LCOR: variants seen among roughly 807,000 people sequenced by gnomAD.
LCOR encodes the protein ligand dependent nuclear receptor corepressor.
Under a neutral mutation model 64.4 loss-of-function variants are expected in LCOR, and 14 were observed. The observed-to-expected ratio is 0.22, with a 90% CI of 0.14 to 0.34. LCOR has a LOEUF of 0.34. Among genes scored for constraint, LCOR ranks in the 10% least tolerant of loss-of-function variants. The pLI, the probability that LCOR is intolerant of heterozygous loss-of-function variation, is 1.00. For synonymous variants in LCOR, 643 were observed against 642.5 expected, an observed-to-expected ratio of 1.00 and a Z score of -0.01; for missense variants, 1,686 against 1,765.3, an observed-to-expected ratio of 0.96 and a Z score of 0.80.
intron 2 of LCOR, among the ~76,000 whole-genome samples, chr10:96,844,385 G>A (rs368768498): frequency 1.5e-4 from 23 of 151,806 alleles, no homozygotes; most frequent in East Asian, 9.6e-4. Flanking sequence ...TCAGCATTAT[G>A]CATATGCCCT....
rs550764855 is a variant in LCOR at position 96,870,502 on chromosome 10, C to T, written c.-329-36763C>T. Among the ~76,000 whole-genome samples, 7 of 152,310 alleles carry T rather than the reference C, an allele frequency of 4.6e-5. No individual in the cohort carries two copies. In the South Asian group the frequency reaches 1.4e-3, roughly 32 times the overall value. On this transcript the variant is annotated intron_variant, in intron 2 of 7. Coordinates refer to ENST00000421806, the MANE Select transcript of LCOR (RefSeq NM_001346516.2). ...AGATTTCTCATGTGTTGTCAATTTA[C>T]CAGACACAAAGAGTAGCTCAGATCT... is the stretch of plus-strand genomic sequence containing the variant.
chr10:96,910,368 G>A (rs1001824035), intron 4 of LCOR, among the ~76,000 whole-genome samples: 11 of 152,280 alleles, frequency 7.2e-5, no homozygotes, highest in African/African-American at 2.2e-4. Flanking sequence ...ATTTTTCTCC[G>A]TTAGATACTA....
At chr10:96,919,798 T>C (rs549557681) in intron 4 of LCOR, among the ~76,000 whole-genome samples, 202 of 152,340 alleles carry the variant, frequency 1.3e-3, no homozygotes, top group Admixed American at 2.5e-3. Flanking sequence ...AGTGTCCTTA[T>C]GTTTTTCTAT....
At chr10:96,861,570 G>A (rs1589612314) in intron 2 of LCOR, among the ~76,000 whole-genome samples, 1 of 151,802 alleles carries the variant, frequency 6.6e-6, no homozygotes, top group South Asian at 2.1e-4. Context: ...TTGAGACAGG[G>A]TGTCTCACTC....
At chr10:96,920,624 G>A (rs1382932851) in intron 4 of LCOR, among the ~76,000 whole-genome samples, 6 of 142,874 alleles carry the variant, frequency 4.2e-5, no homozygotes. Context: ...GTGTATATAT[G>A]TATGTACATT....
chr10:96,926,908 T>G (rs921893463), intron 4 of LCOR, among the ~76,000 whole-genome samples: 3 of 152,226 alleles, frequency 2.0e-5, no homozygotes, highest in Admixed American at 6.5e-5. Context: ...AGCATGGATA[T>G]GCTACAGTTT....
rs1848147505 is a variant in LCOR at position 96,986,081 on chromosome 10, A to G, written c.*947A>G. 6.0e-6 allele frequency: 1 copy of G among 167,000 alleles called. No individual in the cohort carries two copies. Among genetic ancestry groups the G allele is most frequent in the Non-Finnish European group, 1.5e-5 (1 of 68,106 alleles). The allele number at this position is 167,000 out of a possible 1,614,324, so 10.3% of individuals were successfully genotyped here. A position where few individuals can be genotyped will look rare whatever the true frequency, so the allele number is the denominator to read the frequency against. ...TTCCATATTCAAAGAAAGCCGAACT[A>G]TTATTTCCAGTAATAGAAAGGTTTA... On this transcript the variant is annotated 3_prime_UTR_variant, in exon 8 of 8. Coordinates refer to ENST00000421806, the MANE Select transcript of LCOR (RefSeq NM_001346516.2).
chr10:96,862,592 GC>G (rs1323605583), intron 2 of LCOR, among the ~76,000 whole-genome samples: 1 of 152,078 alleles, frequency 6.6e-6, no homozygotes, highest in East Asian at 1.9e-4. Context: ...TAAACTATTG[GC>G]CATTGGTGAT....
intron 2 of LCOR, among the ~76,000 whole-genome samples, chr10:96,898,137 C>T (rs565270218): frequency 1.3e-5 from 2 of 152,052 alleles, no homozygotes; most frequent in South Asian, 4.2e-4. Context: ...GAAAATCTAG[C>T]GGATTAAATA....
At chr10:96,909,976 G>C (rs1846800757) in intron 4 of LCOR, among the ~76,000 whole-genome samples, 1 of 151,842 alleles carries the variant, frequency 6.6e-6, no homozygotes, top group Non-Finnish European at 1.5e-5. Flanking sequence ...TTTTTTTTCA[G>C]GTTAGGATGA....
intron 7 of LCOR, chr10:96,956,060 G>A (rs1847767942): frequency 6.9e-7 from 1 of 1,453,086 alleles, no homozygotes; most frequent in Non-Finnish European, 9.0e-7. Context: ...TGTGTGTACA[G>A]AGATGAAATG....
At chr10:96,903,292 C>T (rs1388678247) in intron 2 of LCOR, among the ~76,000 whole-genome samples, 2 of 152,122 alleles carry the variant, frequency 1.3e-5, no homozygotes, top group Admixed American at 1.3e-4. Context: ...TAATTGCAGT[C>T]CAACATTACA....
chr10:96,842,632 CTTTT>C (rs976571447), intron 2 of LCOR, among the ~76,000 whole-genome samples: 1 of 134,370 alleles, frequency 7.4e-6, no homozygotes. Context: ...CTTTTCTTTT[CTTTT>C]TTTTTTTTTT....
At chr10:96,921,695 C>T (rs1847084636) in intron 4 of LCOR, among the ~76,000 whole-genome samples, 1 of 152,194 alleles carries the variant, frequency 6.6e-6, no homozygotes, top group Admixed American at 6.5e-5. Flanking sequence ...AACTCCTGGC[C>T]TCAAGTGATC....
intron 7 of LCOR, chr10:96,956,191 G>A: frequency 8.5e-7 from 1 of 1,176,268 alleles, no homozygotes; most frequent in South Asian, 3.0e-5. Context: ...ACAGATACAT[G>A]GAAGTGGACT....
chr10:96,835,477 A>G (rs1054428346), intron 2 of LCOR, among the ~76,000 whole-genome samples: 2 of 152,150 alleles, frequency 1.3e-5, no homozygotes, highest in African/African-American at 4.8e-5. Flanking sequence ...CTTTTATTAT[A>G]TGTAATTTTG....
At chr10:96,944,711 A>C (rs1589674200) in intron 5 of LCOR, among the ~76,000 whole-genome samples, 1 of 151,430 alleles carries the variant, frequency 6.6e-6, no homozygotes, top group East Asian at 1.9e-4. Flanking sequence ...AAAATTTTTT[A>C]TATTAATTAA....
rs766492430 is a variant in LCOR at position 96,983,311 on chromosome 10, C to G, written c.2851C>G (p.Gln951Glu). 8 of 1,614,180 alleles carry G rather than the reference C, an allele frequency of 5.0e-6. No individual in the cohort carries two copies. The Admixed American group carries it at 1.3e-4, about 27-fold the overall frequency. ...TGGAGAGAGATTGGAAATCTATGTTCAGTCTAAAATGGATGAGAAGAATGC... is the reference window on the plus strand; with the variant it reads ...TGGAGAGAGATTGGAAATCTATGTTGAGTCTAAAATGGATGAGAAGAATGC... ...LPGERLEIYVQSKMDEKNAHI... is the reference protein window; with the variant it reads ...LPGERLEIYVESKMDEKNAHI... The change falls in exon 8 of 8, where the codon CAG (glutamine) becomes GAG (glutamate). Residue 951 changes from glutamine to glutamate, a missense_variant. Transcript: ENST00000421806. The surrounding 1 kb of genome is among the most constrained non-coding windows in gnomAD (Gnocchi z 4.5).
At chr10:96,914,752 A>G (rs1462683270) in intron 4 of LCOR, among the ~76,000 whole-genome samples, 1 of 152,142 alleles carries the variant, frequency 6.6e-6, no homozygotes, top group Non-Finnish European at 1.5e-5. Context: ...GGGTTGACAA[A>G]TTTTCAAGAG....
Sources: gnomAD v4.1 joint callset for allele counts (sites outside exome capture counted in the v4.1 genomes callset) on GRCh38, gnomAD v4.1.1 for gene constraint, Gnocchi (gnomAD v3.1) non-coding constraint, MANE v1.5 for transcripts, NCBI Gene and HGNC (gene_info 2026-07-23, HGNC 2026-07-21) for gene names.